PSMC2: variants seen among roughly 807,000 people sequenced by gnomAD.
The protein encoded by PSMC2 is proteasome 26S subunit, ATPase 2.
Under a neutral mutation model 53.3 loss-of-function variants are expected in PSMC2, and 7 were observed. The ratio of observed to expected loss-of-function variants is 0.13; its 90% CI spans 0.07 to 0.25. PSMC2 has a LOEUF of 0.25. Among genes scored for constraint, PSMC2 ranks in the 10% least tolerant of loss-of-function variants. The pLI is 1.00. For missense variants in PSMC2, 241 were observed against 544.0 expected (o/e 0.44, Z 5.54); for synonymous variants, 169 against 183.9 (o/e 0.92, Z 0.66).
At chr7:103,357,241 G>A (rs1220344455) in intron 4 of PSMC2, among the ~76,000 whole-genome samples, 2 of 151,298 alleles carry the variant, frequency 1.3e-5, no homozygotes, top group South Asian at 2.1e-4. Context: ...CAGGAGAATC[G>A]CTTGAACCTG....
rs200364372 is a variant in PSMC2, at chr7:103,347,792, A to G, written c.70+11A>G. 1.9e-6 allele frequency: 3 copies of G among 1,613,748 alleles called. No homozygotes were observed. Among genetic ancestry groups the G allele is most frequent in the East Asian group, 4.5e-5 (2 of 44,874 alleles). On this transcript the variant is annotated intron_variant, in intron 1 of 11. Transcript: ENST00000292644. The stretch of plus-strand genomic sequence containing the variant: ...ACAAGCCCATCCGAGGTCAGTTGAC[A>G]TGGGCCGGAGCTCGGAGCTGGGGCG...
chr7:103,366,771 A>G (rs1417162945), intron 9 of PSMC2, among the ~76,000 whole-genome samples: 2 of 152,098 alleles, frequency 1.3e-5, no homozygotes, highest in Non-Finnish European at 2.9e-5. Flanking sequence ...GGCTTCACAG[A>G]TTTGATGAAA....
At position 103,354,882 on chromosome 7, in the gene PSMC2, C is replaced by T. The variant is rs1356816419; in HGVS notation, c.123C>T (p.Tyr41=). 1.2e-6 allele frequency: 2 copies of T among 1,612,556 alleles called. No homozygotes were observed. The highest frequency in any genetic ancestry group is 1.1e-5 in the South Asian group (1 of 91,054). ...TCATCACCTAGGGTCAGAGCACTTACTCTAGGCAGATCAAGCAAGTTGAAG... is the reference window on the plus strand; with the variant it reads ...TCATCACCTAGGGTCAGAGCACTTATTCTAGGCAGATCAAGCAAGTTGAAG... ...ALLKTYGQST[Y]SRQIKQVEDD... The change falls in exon 3 of 12, where the codon TAC becomes TAT. Residue 41 remains tyrosine (Y), a synonymous_variant. Transcript: ENST00000292644.
Position 103,360,849 on chromosome 7 carries a change from C to T in PSMC2, c.291-1108C>T, listed in dbSNP as rs554158541. On this transcript the variant is annotated intron_variant, in intron 4 of 11. Transcript: ENST00000292644. ...TCTACTGGCCGGGTGCAATGGCTCA[C>T]GCCTGTAATCCCAGCACTTTGGGAG... Among the ~76,000 whole-genome samples, 6 of 152,294 alleles carry T rather than the reference C, an allele frequency of 3.9e-5. No homozygotes were observed. The South Asian group carries it at 8.3e-4, about 21-fold the overall frequency.
chr7:103,353,609 C>T (rs748266306), intron 1 of PSMC2, among the ~76,000 whole-genome samples: 3 of 152,140 alleles, frequency 2.0e-5, no homozygotes, highest in Non-Finnish European at 2.9e-5. Flanking sequence ...ACGGGGCCTG[C>T]ATTGTATTTC....
chr7:103,367,599 G>A lies in PSMC2; in HGVS notation c.1031G>A (p.Ser344Asn), dbSNP rs372290123. The change falls in exon 10 of 12, where the codon AGC (serine) becomes AAC (asparagine). Residue 344 changes from serine (S) to asparagine (N), a missense_variant. Physicochemically the swap from Ser to Asn is conservative, Grantham distance 46 (BLOSUM62 1). Coordinates refer to ENST00000292644, the MANE Select transcript of PSMC2 (RefSeq NM_002803.4). The surrounding 1 kb of genome is among the most constrained non-coding windows in gnomAD (Gnocchi z 6.1). ...AGATTGGATAGAAAAATTGAATTTA[G>A]CTTGCCCGATCTAGAGGTAAGAAAA... ...PGRLDRKIEF[S>N]LPDLEGRTHI... 5.6e-6 allele frequency: 9 copies of A among 1,613,984 alleles called. No homozygotes were observed. The highest frequency in any genetic ancestry group is 4.4e-5 in the South Asian group (4 of 91,076).
chr7:103,354,622 C>T (rs114401440), intron 2 of PSMC2, among the ~76,000 whole-genome samples: 1,867 of 152,060 alleles, frequency 0.012, 34 homozygotes, highest in African/African-American at 0.043. Flanking sequence ...CACCCGCCTC[C>T]GCCCCCTAAA....
Position 103,367,534 on chromosome 7 carries a change from C to T in PSMC2, c.966C>T (p.Asn322=), listed in dbSNP as rs772061938. The change falls in exon 10 of 12, where the codon AAC becomes AAT. Residue 322 remains asparagine (N), a synonymous_variant. Coordinates refer to ENST00000292644, the MANE Select transcript of PSMC2 (RefSeq NM_002803.4). The surrounding 1 kb of genome is among the most constrained non-coding windows in gnomAD (Gnocchi z 6.1). ...RGNIKVLMAT[N]RPDTLDPALM... is the part of the protein sequence containing the mutation. ...ATATTAAAGTGCTGATGGCCACTAA[C>T]AGACCTGATACTTTGGATCCAGCAC... is the stretch of plus-strand genomic sequence containing the variant. 1.2e-6 allele frequency: 2 copies of T among 1,614,166 alleles called. No homozygotes were observed. The highest frequency in any genetic ancestry group is 2.2e-5 in the South Asian group (2 of 91,080).
intron 8 of PSMC2, among the ~76,000 whole-genome samples, chr7:103,365,386 C>G (rs1820660013): frequency 6.6e-6 from 1 of 152,090 alleles, no homozygotes; most frequent in African/African-American, 2.4e-5. Flanking sequence ...AATCCTAGCA[C>G]TTTGGGAGGC....
chr7:103,368,157 GC>G lies in PSMC2; in HGVS notation c.*104del. 1 of 1,023,530 alleles carries G rather than the reference GC, an allele frequency of 9.8e-7. No individual in the cohort carries two copies. Among genetic ancestry groups the G allele is most frequent in the Non-Finnish European group, 1.4e-6 (1 of 726,602 alleles). The allele number at this position is 1,023,530 out of a possible 1,614,324, so 63.4% of individuals were successfully genotyped here. On this transcript the variant is annotated 3_prime_UTR_variant, in exon 12 of 12. Transcript: ENST00000292644. ...CAAATAAATGGCTTCAAAATTGTATGCTTTTTTCCATATCTCTTCTTGTAAT... is the reference window on the plus strand; with the variant it reads ...CAAATAAATGGCTTCAAAATTGTATGTTTTTTCCATATCTCTTCTTGTAAT...
chr7:103,354,801 T>G (rs1255589982), intron 2 of PSMC2, 67 bp from the exon 3 acceptor site: 1 of 1,021,420 alleles, frequency 9.8e-7, no homozygotes, highest in African/African-American at 1.6e-5. Flanking sequence ...AAAAATAATT[T>G]TTACCTGTAG....
chr7:103,356,912 C>T (rs1820067233), intron 4 of PSMC2, among the ~76,000 whole-genome samples: 1 of 152,060 alleles, frequency 6.6e-6, no homozygotes, highest in African/African-American at 2.4e-5. Context: ...ATTTTTAGTT[C>T]CTAAAAGCTA....
intron 2 of PSMC2, 26 bp downstream of exon 2, chr7:103,353,984 T>G: frequency 6.6e-7 from 1 of 1,523,160 alleles, no homozygotes; most frequent in Non-Finnish European, 8.9e-7. Context: ...GTCTACAAAC[T>G]ATAGATGTTT....
chr7:103,348,826 A>T, intron 1 of PSMC2: 1 of 676,452 alleles, frequency 1.5e-6, no homozygotes. Context: ...AAACCATGAT[A>T]GTTCTTTGTA....
At chr7:103,348,629 A>G in intron 1 of PSMC2, 1 of 1,287,044 alleles carries the variant, frequency 7.8e-7, no homozygotes, top group Non-Finnish European at 1.1e-6. Context: ...TGCTGGAGCC[A>G]CCCGCGAAAA....
chr7:103,354,878 C>G lies in PSMC2; in HGVS notation c.119C>G (p.Thr40Ser), dbSNP rs376614496. 1.9e-5 allele frequency: 30 copies of G among 1,612,222 alleles called. No individual in the cohort carries two copies. The highest frequency in any genetic ancestry group is 2.4e-5 in the Non-Finnish European group (28 of 1,178,626). ...ACCTTCATCACCTAGGGTCAGAGCA[C>G]TTACTCTAGGCAGATCAAGCAAGTT... is the stretch of plus-strand genomic sequence containing the variant. ...IALLKTYGQS[T>S]YSRQIKQVED... The change falls in exon 3 of 12, where the codon ACT becomes AGT. Residue 40 changes from threonine (T) to serine (S), a missense_variant. Coordinates refer to ENST00000292644, the MANE Select transcript of PSMC2 (RefSeq NM_002803.4).
At chr7:103,362,409 A>T (rs938307041) in intron 5 of PSMC2, 211 of 1,341,570 alleles carry the variant, frequency 1.6e-4, no homozygotes, top group Middle Eastern at 5.8e-4. Flanking sequence ...AAGTGTGTTA[A>T]TGTCTATAGA....
chr7:103,362,692 T>C lies in PSMC2; in HGVS notation c.429T>C (p.Asp143=). Residue 143 remains aspartate (D), a synonymous_variant, in exon 6 of 12, where the codon GAT becomes GAC. Coordinates refer to ENST00000292644, the MANE Select transcript of PSMC2 (RefSeq NM_002803.4). ...ATCTTTTTTACTTCCTTAGCGTGGATAGAAATAAATATCAAATTCACATTC... is the reference window on the plus strand; with the variant it reads ...ATCTTTTTTACTTCCTTAGCGTGGACAGAAATAAATATCAAATTCACATTC... ...DIEEGMRVGV[D]RNKYQIHIPL... The C allele has an allele frequency of 6.2e-7, 1 of 1,602,956 alleles. No homozygotes were observed. Among genetic ancestry groups the C allele is most frequent in the Non-Finnish European group, 8.5e-7 (1 of 1,170,082 alleles).
At position 103,359,138 on chromosome 7, in the gene PSMC2, CTTTTTTTTTTTTTTTTT is replaced by C. The variant is rs35936603; in HGVS notation, c.291-2803_291-2787del. ...CAGGTGCATACCACCCCATGTCTGG[CTTTTTTTTTTTTTTTTT>C]TTTTTTTTTTTTTTTAATTTTTAGT... is the stretch of plus-strand genomic sequence containing the variant. On this transcript the variant is annotated intron_variant, in intron 4 of 11. Coordinates refer to ENST00000292644, the MANE Select transcript of PSMC2 (RefSeq NM_002803.4). Among the ~76,000 whole-genome samples the C allele has an allele frequency of 2.0e-3, 63 of 31,342 alleles. 1 individual carries two copies. Among genetic ancestry groups the C allele is most frequent in the South Asian group, 7.4e-3 (2 of 270 alleles). The allele number at this position is 31,342 out of a possible 152,430, so 20.6% of individuals were successfully genotyped here. A position where few individuals can be genotyped will look rare whatever the true frequency, so the allele number is the denominator to read the frequency against.
Sources: gnomAD v4.1 joint callset for allele counts (sites outside exome capture counted in the v4.1 genomes callset) on GRCh38, gnomAD v4.1.1 for gene constraint, Gnocchi (gnomAD v3.1) non-coding constraint, MANE v1.5 for transcripts, NCBI Gene and HGNC (gene_info 2026-07-23, HGNC 2026-07-21) for gene names.